The following ACKR5 variants were observed in gnomAD, a reference collection of about 807,000 sequenced individuals.
ACKR5 encodes atypical chemokine receptor 5.
chr12:56,995,720 C>T, the ACKR5 span: 31 of 1,613,554 alleles, frequency 1.9e-5, no homozygotes, highest in African/African-American at 6.7e-5. The surrounding 1 kb of genome is among the most constrained non-coding windows in gnomAD (Gnocchi z 4.7). Flanking sequence ...CCGAGTGCGG[C>T]GGGCCATGTG....
At chr12:56,996,391 C>T in the ACKR5 span, 1 of 1,596,674 alleles carries the variant, frequency 6.3e-7, no homozygotes, top group Non-Finnish European at 8.5e-7. Context: ...ATACTTCCCC[C>T]ATCTCTCCCA....
At chr12:56,994,903 T>G in the ACKR5 span, among the ~76,000 whole-genome samples, 3 of 127,646 alleles carry the variant, frequency 2.4e-5, no homozygotes, top group Non-Finnish European at 3.3e-5. Context: ...TGTGGGGGGA[T>G]TGAGGGGGTT....
chr12:56,996,363 C>A, the ACKR5 span: 1 of 1,612,906 alleles, frequency 6.2e-7, no homozygotes, highest in South Asian at 1.1e-5. Context: ...AGCTTTCAGG[C>A]ACACCATTTG....
At chr12:56,995,887 C>A in the ACKR5 span, 1 of 1,612,080 alleles carries the variant, frequency 6.2e-7, no homozygotes, top group African/African-American at 1.3e-5. The surrounding 1 kb of genome is among the most constrained non-coding windows in gnomAD (Gnocchi z 4.7). Context: ...CCATCCTGGG[C>A]TTCCTGCTGC....
At chr12:56,997,689 A>G in the ACKR5 span, 19,045 of 152,204 alleles carry the variant, frequency 0.13, 1,362 homozygotes, top group African/African-American at 0.19. Context: ...TGCCCGTGGT[A>G]AGGGGACTGG....
At chr12:56,996,016 G>A in the ACKR5 span, 3 of 1,610,338 alleles carry the variant, frequency 1.9e-6, no homozygotes, top group Non-Finnish European at 2.5e-6. Context: ...TCTTTGTCAT[G>A]TGCTGGCTGC....
chr12:56,996,169 C>T, the ACKR5 span: 1 of 1,614,128 alleles, frequency 6.2e-7, no homozygotes. Context: ...CCATCCTTTA[C>T]AACTTTCTCA....
At chr12:56,996,552 T>A in the ACKR5 span, 1 of 787,488 alleles carries the variant, frequency 1.3e-6, no homozygotes. Context: ...CTTAAAATAC[T>A]GAGGTGTGGA....
At chr12:56,995,881 C>T in the ACKR5 span, 4 of 1,612,274 alleles carry the variant, frequency 2.5e-6, no homozygotes, top group Non-Finnish European at 3.4e-6. The surrounding 1 kb of genome is among the most constrained non-coding windows in gnomAD (Gnocchi z 4.7). Flanking sequence ...CCACCACCAT[C>T]CTGGGCTTCC....
chr12:56,996,529 A>G, the ACKR5 span: 1 of 987,066 alleles, frequency 1.0e-6, no homozygotes, highest in South Asian at 1.7e-5. Context: ...CTCGTGGTCA[A>G]TTTTGAATCT....
chr12:56,995,753 G>T, the ACKR5 span: 1 of 1,613,934 alleles, frequency 6.2e-7, no homozygotes. This position sits in a 1 kb window ranked among gnomAD's most constrained non-coding sequence, Gnocchi z 4.7. Flanking sequence ...GGTCCTCTCG[G>T]CCATCATCCC....
At chr12:56,995,588 C>T in the ACKR5 span, 12 of 1,614,164 alleles carry the variant, frequency 7.4e-6, no homozygotes, top group African/African-American at 2.7e-5. The surrounding 1 kb of genome is among the most constrained non-coding windows in gnomAD (Gnocchi z 4.7). Context: ...CTTCTCCTGC[C>T]GCTTCACTCA....
the ACKR5 span, chr12:56,995,468 C>G: frequency 6.2e-7 from 1 of 1,614,172 alleles, no homozygotes; most frequent in Admixed American, 1.7e-5. The surrounding 1 kb of genome is among the most constrained non-coding windows in gnomAD (Gnocchi z 4.7). Flanking sequence ...CCGGGCAGGG[C>G]TGATGAACCT....
At chr12:56,998,792 T>C in the ACKR5 span, 2 of 152,628 alleles carry the variant, frequency 1.3e-5, no homozygotes, top group Non-Finnish European at 2.9e-5. Flanking sequence ...TATTCTGAAC[T>C]CCAGGTATGA....
the ACKR5 span, chr12:56,997,812 A>T: frequency 6.6e-6 from 1 of 152,222 alleles, no homozygotes; most frequent in Non-Finnish European, 1.5e-5. Context: ...CACCTGTTCT[A>T]CTTTGAGAAA....
the ACKR5 span, chr12:56,995,994 C>T: frequency 6.2e-7 from 1 of 1,610,444 alleles, no homozygotes; most frequent in Non-Finnish European, 8.5e-7. This position sits in a 1 kb window ranked among gnomAD's most constrained non-coding sequence, Gnocchi z 4.7. Context: ...CTGCTGTGCG[C>T]CTACGTGGCC....
the ACKR5 span, chr12:56,996,196 C>A: frequency 4.3e-6 from 7 of 1,614,110 alleles, no homozygotes; most frequent in Non-Finnish European, 5.9e-6. Context: ...ACTTCCGGGG[C>A]CGGCTCCTGA....
the ACKR5 span, chr12:56,995,361 C>T: frequency 6.2e-7 from 1 of 1,614,236 alleles, no homozygotes; most frequent in Non-Finnish European, 8.5e-7. This position sits in a 1 kb window ranked among gnomAD's most constrained non-coding sequence, Gnocchi z 4.7. Context: ...AGCCAGAGCA[C>T]CAAGCGCGTG....
At chr12:56,997,383 G>C in the ACKR5 span, 1 of 152,270 alleles carries the variant, frequency 6.6e-6, no homozygotes, top group African/African-American at 2.4e-5. Context: ...GCACCAGATG[G>C]GGAAGGCCAC....
Sources: allele counts gnomAD v4.1 joint callset (sites outside exome capture counted in the v4.1 genomes callset), GRCh38; gene constraint gnomAD v4.1.1; non-coding constraint Gnocchi (gnomAD v3.1); transcripts MANE v1.5; gene names NCBI Gene and HGNC (gene_info 2026-07-23, HGNC 2026-07-21).